The following ROCK1 variants were observed in gnomAD, a reference collection of about 807,000 sequenced individuals.
ROCK1 encodes the protein Rho associated coiled-coil containing protein kinase 1, also known as rho-associated protein kinase 1.
In ROCK1, 36 loss-of-function variants were observed where a neutral mutation model predicts 196.8. The ratio of observed to expected loss-of-function variants is 0.18; its 90% CI spans 0.14 to 0.24. ROCK1 has a LOEUF of 0.24. Among genes scored for constraint, ROCK1 ranks in the 10% least tolerant of loss-of-function variants. The pLI is 1.00. For synonymous variants in ROCK1, 443 were observed against 515.9 expected, an observed-to-expected ratio of 0.86 and a Z score of 1.91; for missense variants, 920 against 1,562.0, an observed-to-expected ratio of 0.59 and a Z score of 6.93.
chr18:21,002,286 A>C (rs896860013), intron 16 of ROCK1, among the ~76,000 whole-genome samples: 3 of 152,210 alleles, frequency 2.0e-5, no homozygotes, highest in Non-Finnish European at 2.9e-5. Context: ...AAATCTATGC[A>C]TATCAAAAAG....
At chr18:21,099,920 C>T (rs1476308704) in intron 1 of ROCK1, among the ~76,000 whole-genome samples, 2 of 152,054 alleles carry the variant, frequency 1.3e-5, no homozygotes, top group African/African-American at 4.8e-5. Context: ...CCTGTAGTCC[C>T]AGCTACTAGG....
intron 27 of ROCK1, among the ~76,000 whole-genome samples, chr18:20,961,631 C>G (rs568843881): frequency 6.6e-6 from 1 of 152,042 alleles, no homozygotes; most frequent in Non-Finnish European, 1.5e-5. Context: ...CTATTCTGTT[C>G]GCAAACAAGC....
intron 25 of ROCK1, among the ~76,000 whole-genome samples, chr18:20,968,312 T>TC (rs1401230233): frequency 1.4e-5 from 2 of 139,768 alleles, no homozygotes; most frequent in African/African-American, 2.7e-5. Flanking sequence ...ATCCTATTTC[T>TC]TTTTTTTTTT....
chr18:21,061,840 T>C (rs1181051688), intron 2 of ROCK1, among the ~76,000 whole-genome samples: 1 of 152,176 alleles, frequency 6.6e-6, no homozygotes, highest in East Asian at 1.9e-4. Context: ...ACAGGGTGTA[T>C]GGTTTATTTT....
At chr18:21,033,380 T>A (rs893249359) in intron 9 of ROCK1, among the ~76,000 whole-genome samples, 1 of 152,126 alleles carries the variant, frequency 6.6e-6, no homozygotes, top group African/African-American at 2.4e-5. Flanking sequence ...TAACATTATA[T>A]TCAGCGGTGA....
intron 13 of ROCK1, among the ~76,000 whole-genome samples, chr18:21,011,434 T>C (rs113177190): frequency 0.03 from 4,640 of 152,254 alleles, 192 homozygotes; most frequent in Admixed American, 0.12. Context: ...AGTATAAACA[T>C]CTTCCCTTTC....
At chr18:21,045,083 A>G (rs2036144313) in intron 5 of ROCK1, 4 of 367,468 alleles carry the variant, frequency 1.1e-5, no homozygotes. Context: ...CTGGTGTCAA[A>G]CTCCTGAGCT....
chr18:20,982,960 C>A, intron 20 of ROCK1, 128 bp from the exon 21 acceptor site: 1 of 532,624 alleles, frequency 1.9e-6, no homozygotes, highest in Non-Finnish European at 3.3e-6. Context: ...TAAAAACATA[C>A]TTCATTATTC....
At chr18:20,979,137 C>G (rs1357468213) in intron 22 of ROCK1, among the ~76,000 whole-genome samples, 5 of 152,046 alleles carry the variant, frequency 3.3e-5, no homozygotes. Flanking sequence ...TTATGTTGCC[C>G]AGGCTGGTCT....
At chr18:20,965,979 C>A (rs988372196) in intron 27 of ROCK1, among the ~76,000 whole-genome samples, 4 of 152,180 alleles carry the variant, frequency 2.6e-5, no homozygotes, top group Non-Finnish European at 4.4e-5. Context: ...TTCCTTATAT[C>A]AAATTCACAA....
chr18:21,105,002 A>G (rs1288027077), intron 1 of ROCK1, among the ~76,000 whole-genome samples: 1 of 152,250 alleles, frequency 6.6e-6, no homozygotes, highest in African/African-American at 2.4e-5. Flanking sequence ...CTTAGAGACG[A>G]CAATAAATAT....
chr18:21,066,627 T>C (rs1316210141), intron 2 of ROCK1, among the ~76,000 whole-genome samples: 4 of 152,226 alleles, frequency 2.6e-5, no homozygotes, highest in African/African-American at 4.8e-5. Context: ...ACCTCAACCA[T>C]AGGATTTCTA....
intron 9 of ROCK1, among the ~76,000 whole-genome samples, chr18:21,033,543 C>A (rs2036028450): frequency 6.6e-6 from 1 of 151,938 alleles, no homozygotes; most frequent in East Asian, 1.9e-4. Flanking sequence ...GTAAAACTAT[C>A]TCTATTTGCA....
rs1236633255 is a variant in ROCK1, at chr18:20,953,702, C to T, written c.3937G>A (p.Val1313Ile). 1.3e-6 allele frequency: 2 copies of T among 1,588,676 alleles called. No individual in the cohort carries two copies. The highest frequency in any genetic ancestry group is 1.9e-5 in the Admixed American group (1 of 51,788). Residue 1313 changes from valine (V) to isoleucine (I), a missense_variant, in exon 32 of 33, where the codon GTA (valine) becomes ATA (isoleucine). Physicochemically the swap from Val to Ile is conservative, Grantham distance 29. Transcript: ENST00000399799. ...GGTGGATTCTTAGGGATTTTCTTTA[C>T]TAAATGAGTTACCCATTTTTTTTGT... ...DEQKKWVTHL[V>I]KKIPKNPPSG...
At chr18:21,095,556 T>C (rs1172218870) in intron 1 of ROCK1, among the ~76,000 whole-genome samples, 2 of 152,104 alleles carry the variant, frequency 1.3e-5, no homozygotes, top group African/African-American at 4.8e-5. Flanking sequence ...TTGCACAACA[T>C]AGATAGAACT....
intron 1 of ROCK1, among the ~76,000 whole-genome samples, chr18:21,097,264 T>A (rs1392646553): frequency 6.6e-6 from 1 of 152,212 alleles, no homozygotes; most frequent in Non-Finnish European, 1.5e-5. Flanking sequence ...AATCCAAGAA[T>A]GTTGGGATGA....
chr18:20,963,745 A>G (rs1320632970), intron 27 of ROCK1, among the ~76,000 whole-genome samples: 4 of 152,180 alleles, frequency 2.6e-5, no homozygotes, highest in Non-Finnish European at 5.9e-5. Context: ...CAGTTATCAC[A>G]TTAAAGTTTT....
chr18:20,951,249 A>C lies in ROCK1; in HGVS notation c.*135T>G. On this transcript the variant is annotated 3_prime_UTR_variant, in exon 33 of 33. Coordinates refer to ENST00000399799, the MANE Select transcript of ROCK1 (RefSeq NM_005406.3). ...CAGTGTGTTGTGCCAAAGCAAGGAC[A>C]GAAAAACAGCAATCTTAACCCTGAA... 1 of 744,706 alleles carries C rather than the reference A, an allele frequency of 1.3e-6. No homozygotes were observed. Among genetic ancestry groups the C allele is most frequent in the Non-Finnish European group, 2.1e-6 (1 of 469,278 alleles). 46.1% of individuals were successfully genotyped at this position (744,706 alleles called of 1,614,324 possible).
intron 2 of ROCK1, among the ~76,000 whole-genome samples, chr18:21,059,881 A>G (rs75745889): frequency 0.015 from 2,257 of 152,356 alleles, 26 homozygotes; most frequent in Middle Eastern, 0.024. Context: ...GACACATGGT[A>G]TAACACTATG....
Sources: allele counts gnomAD v4.1 joint callset (sites outside exome capture counted in the v4.1 genomes callset), GRCh38; gene constraint gnomAD v4.1.1; transcripts MANE v1.5; gene names NCBI Gene and HGNC (gene_info 2026-07-23, HGNC 2026-07-21).